The following CHSY3 variants were observed in gnomAD, a reference collection of about 807,000 sequenced individuals.
CHSY3 encodes N-acetylgalactosaminyl-proteoglycan 3-beta-glucuronosyltransferase 3.
CHSY3 carries 35 observed loss-of-function variants against 67.2 expected under a neutral mutation model. That is an observed-to-expected ratio of 0.52 (90% confidence interval 0.40 to 0.69). The LOEUF is 0.69. CHSY3 is among the 30% of genes least tolerant of loss of function. CHSY3 has a pLI of 0.00. For missense variants in CHSY3, 1,069 were observed against 1,138.5 expected, an observed-to-expected ratio of 0.94 and a Z score of 0.88; for synonymous variants, 474 against 434.7, an observed-to-expected ratio of 1.09 and a Z score of -1.12.
chr5:130,073,937 C>T (rs1371583708), intron 2 of CHSY3, among the ~76,000 whole-genome samples: 3 of 152,054 alleles, frequency 2.0e-5, no homozygotes, highest in African/African-American at 7.2e-5. Flanking sequence ...ATGTAAAGAG[C>T]GATATTCTTC....
intron 2 of CHSY3, among the ~76,000 whole-genome samples, chr5:130,073,037 A>G (rs1055704035): frequency 1.3e-5 from 2 of 152,154 alleles, no homozygotes; most frequent in Admixed American, 1.3e-4. Flanking sequence ...AAAGGGAACA[A>G]TTCAGTTCAG....
chr5:130,122,801 T>C (rs1768090311), intron 2 of CHSY3, among the ~76,000 whole-genome samples: 2 of 152,348 alleles, frequency 1.3e-5, no homozygotes, highest in Non-Finnish European at 2.9e-5. Context: ...GTGTTTTTCT[T>C]CGTGTCATTT....
Position 130,086,113 on chromosome 5 carries a change from A to T in CHSY3, c.1087-98116A>T, listed in dbSNP as rs968658301. 9.4e-3 allele frequency among the ~76,000 whole-genome samples: 1,432 copies of T among 152,104 alleles called. 19 individuals carry two copies. Among genetic ancestry groups the T allele is most frequent in the African/African-American group, 0.032 (1,343 of 41,490 alleles). On this transcript the variant is annotated intron_variant, in intron 2 of 2. Transcript: ENST00000305031. ...TGATTTGGGGTGGAGAGTTCTGTAG[A>T]TGTCTATTAGGTCCGCTTGGTGCAG...
intron 2 of CHSY3, among the ~76,000 whole-genome samples, chr5:129,976,091 G>C (rs573287820): frequency 6.6e-6 from 1 of 152,216 alleles, no homozygotes; most frequent in Non-Finnish European, 1.5e-5. Context: ...AAGATCAGCT[G>C]TTTTGCTTTC....
chr5:130,024,788 A>C (rs1764493992), intron 2 of CHSY3, among the ~76,000 whole-genome samples: 1 of 152,172 alleles, frequency 6.6e-6, no homozygotes, highest in African/African-American at 2.4e-5. Context: ...ACTGCTCCCT[A>C]ATGTCACTTT....
At chr5:129,982,181 T>C (rs1276532806) in intron 2 of CHSY3, among the ~76,000 whole-genome samples, 1 of 152,112 alleles carries the variant, frequency 6.6e-6, no homozygotes, top group Non-Finnish European at 1.5e-5. Context: ...AGGTTCTTTA[T>C]AATAAATATA....
chr5:130,071,667 A>G (rs928832036), intron 2 of CHSY3, among the ~76,000 whole-genome samples: 1 of 151,962 alleles, frequency 6.6e-6, no homozygotes, highest in African/African-American at 2.4e-5. Context: ...TAATGCTGAA[A>G]TGAACATGGA....
chr5:130,091,538 C>G (rs554482587), intron 2 of CHSY3, among the ~76,000 whole-genome samples: 2 of 152,208 alleles, frequency 1.3e-5, no homozygotes, highest in African/African-American at 4.8e-5. Context: ...CAAGATCCCT[C>G]TAGGTCAAAG....
chr5:129,934,348 A>G (rs974255160), intron 2 of CHSY3, among the ~76,000 whole-genome samples: 2 of 152,128 alleles, frequency 1.3e-5, no homozygotes, highest in Non-Finnish European at 2.9e-5. Flanking sequence ...AATATGTATA[A>G]TGGTGTGGTT....
At chr5:129,965,840 C>T (rs1007702971) in intron 2 of CHSY3, among the ~76,000 whole-genome samples, 25 of 151,940 alleles carry the variant, frequency 1.6e-4, no homozygotes, top group African/African-American at 5.8e-4. Flanking sequence ...CAGCTATTTG[C>T]CTGTTGATAA....
In CHSY3 at chr5:130,009,719, C is replaced by T. The variant is rs76701269; in HGVS notation, c.1086+101359C>T. ...GGCAAGTTGGATAATGAAGTAAGAC[C>T]CAAATGTATGCTGTCCTCAAGAGAA... On this transcript the variant is annotated intron_variant, in intron 2 of 2. Coordinates refer to ENST00000305031, the MANE Select transcript of CHSY3 (RefSeq NM_175856.5). 1.7e-3 allele frequency among the ~76,000 whole-genome samples: 261 copies of T among 152,050 alleles called. 5 individuals are homozygous for T. In the East Asian group the frequency reaches 0.041, roughly 24 times the overall value.
intron 2 of CHSY3, among the ~76,000 whole-genome samples, chr5:129,922,874 G>A (rs548623533): frequency 2.6e-5 from 4 of 152,140 alleles, no homozygotes; most frequent in Non-Finnish European, 5.9e-5. Context: ...GTCTAGAGCC[G>A]TGCCCATGCA....
Position 130,186,201 on chromosome 5 carries a change from C to A in CHSY3, c.*410C>A, listed in dbSNP as rs1161515438. On this transcript the variant is annotated 3_prime_UTR_variant, in exon 3 of 3. Transcript: ENST00000305031. ...TACAAATATTTACTGGTGAAAGGTACCACAAAAGTGCTTTATGCTTCCTAT... is the reference window on the plus strand; with the variant it reads ...TACAAATATTTACTGGTGAAAGGTAACACAAAAGTGCTTTATGCTTCCTAT... 6.6e-6 allele frequency: 1 copy of A among 151,446 alleles called. No individual in the cohort carries two copies. Among genetic ancestry groups the A allele is most frequent in the South Asian group, 2.1e-4 (1 of 4,836 alleles). The allele number at this position is 151,446 out of a possible 1,614,324, so 9.4% of individuals were successfully genotyped here.
At chr5:130,182,244 G>A in intron 2 of CHSY3, among the ~76,000 whole-genome samples, 1 of 152,046 alleles carries the variant, frequency 6.6e-6, no homozygotes, top group African/African-American at 2.4e-5. Flanking sequence ...CCTTGATGAT[G>A]AATAAAGTAG....
chr5:130,097,492 A>T (rs560190192), intron 2 of CHSY3, among the ~76,000 whole-genome samples: 2 of 152,256 alleles, frequency 1.3e-5, no homozygotes, highest in South Asian at 4.1e-4. Flanking sequence ...AGAATGACTT[A>T]ATTGACAAAG....
In CHSY3 at chr5:129,905,372, G is replaced by C; in HGVS notation, c.543G>C (p.Gln181His). 6.3e-7 allele frequency: 1 copy of C among 1,589,682 alleles called. No homozygotes were observed. Reference sequence around the variant, plus strand: ...TGTACGTGGGGGTGATGACCGCGCAGAAGTACCTGGGCAGCCGCGCGCTGG... The same window carrying C: ...TGTACGTGGGGGTGATGACCGCGCACAAGTACCTGGGCAGCCGCGCGCTGG... ...DFLYVGVMTA[Q>H]KYLGSRALAA... The change falls in exon 1 of 3, where the codon CAG becomes CAC. Residue 181 changes from glutamine to histidine, a missense_variant. This residue lies in a region of CHSY3 where 216 missense variants were observed against 311.5 expected (regional missense o/e 0.69). Transcript: ENST00000305031.
Position 129,972,518 on chromosome 5 carries a change from C to T in CHSY3, c.1086+64158C>T, listed in dbSNP as rs147220410. 3.8e-3 allele frequency among the ~76,000 whole-genome samples: 577 copies of T among 151,274 alleles called. 7 individuals are homozygous for T. Among genetic ancestry groups the T allele is most frequent in the African/African-American group, 0.013 (542 of 41,310 alleles). Reference sequence around the variant, plus strand: ...TTTTGATGTTAATAGCCTTTTTTTTCCCCTAAGTAAAAGTCTTAATGTCTG... The same window carrying T: ...TTTTGATGTTAATAGCCTTTTTTTTTCCCTAAGTAAAAGTCTTAATGTCTG... On this transcript the variant is annotated intron_variant, in intron 2 of 2. Transcript: ENST00000305031.
chr5:129,916,435 T>C (rs1217262000), intron 2 of CHSY3, among the ~76,000 whole-genome samples: 2 of 152,298 alleles, frequency 1.3e-5, no homozygotes, highest in South Asian at 2.1e-4. Flanking sequence ...ACCTAGCTAC[T>C]GAGATGATTA....
chr5:130,062,095 C>T (rs747376635), intron 2 of CHSY3, among the ~76,000 whole-genome samples: 1 of 151,950 alleles, frequency 6.6e-6, no homozygotes, highest in East Asian at 1.9e-4. Context: ...CCACTGTACT[C>T]ATGTTCATTG....
Sources: allele counts gnomAD v4.1 joint callset (sites outside exome capture counted in the v4.1 genomes callset), GRCh38; gene constraint gnomAD v4.1.1; regional missense constraint gnomAD v4.1.1; transcripts MANE v1.5; gene names NCBI Gene and HGNC (gene_info 2026-07-23, HGNC 2026-07-21).